The following MAP3K20 variants were observed in gnomAD, a reference collection of about 807,000 sequenced individuals.
MAP3K20 encodes HCCS-4.
A neutral mutation model predicts 85.7 loss-of-function variants in MAP3K20; 40 were observed. The ratio of observed to expected loss-of-function variants is 0.47; its 90% CI spans 0.36 to 0.61. The LOEUF (loss-of-function observed/expected upper bound fraction) is 0.61, where lower values mean the gene tolerates loss of function less well. Among genes scored for constraint, MAP3K20 ranks in the 20% least tolerant of loss-of-function variants. The pLI, the probability that MAP3K20 is intolerant of heterozygous loss-of-function variation, is 0.00. For synonymous variants in MAP3K20, 325 were observed against 327.7 expected, an observed-to-expected ratio of 0.99 and a Z score of 0.09; for missense variants, 817 against 961.7, an observed-to-expected ratio of 0.85 and a Z score of 1.99.
intron 16 of MAP3K20, among the ~76,000 whole-genome samples, chr2:173,240,309 C>T (rs573041010): frequency 1.3e-4 from 20 of 152,260 alleles, no homozygotes; most frequent in Admixed American, 1.2e-3. Context: ...AGCCAAGGGA[C>T]CTTATAAATA....
intron 3 of MAP3K20, among the ~76,000 whole-genome samples, chr2:173,177,886 G>A (rs548192554): frequency 6.6e-6 from 1 of 152,070 alleles, no homozygotes; most frequent in African/African-American, 2.4e-5. Flanking sequence ...AAGAAAATCT[G>A]AAGTGGATAA....
At chr2:173,149,152 G>A (rs1252661674) in intron 2 of MAP3K20, among the ~76,000 whole-genome samples, 1 of 152,230 alleles carries the variant, frequency 6.6e-6, no homozygotes, top group Non-Finnish European at 1.5e-5. Flanking sequence ...TTTTCCTGGT[G>A]CTTTACATGG....
At chr2:173,125,704 C>T (rs919088956) in intron 2 of MAP3K20, among the ~76,000 whole-genome samples, 1 of 151,990 alleles carries the variant, frequency 6.6e-6, no homozygotes, top group African/African-American at 2.4e-5. Context: ...GCTCTGTCGC[C>T]CAGGCTGGAG....
chr2:173,232,592 C>CT, intron 14 of MAP3K20, 133 bp downstream of exon 14: 1 of 1,343,650 alleles, frequency 7.4e-7, no homozygotes, highest in Non-Finnish European at 1.0e-6. Flanking sequence ...CACCCTCCGC[C>CT]TCCTGGGTTC....
At chr2:173,264,020 G>C (rs1389637965) in intron 19 of MAP3K20, 125 bp downstream of exon 19, 2 of 1,351,992 alleles carry the variant, frequency 1.5e-6, no homozygotes, top group Non-Finnish European at 2.0e-6. Context: ...TGAGCTTCGA[G>C]TAGCAGAAAA....
At chr2:173,122,727 G>C (rs1688330328) in intron 2 of MAP3K20, among the ~76,000 whole-genome samples, 1 of 152,082 alleles carries the variant, frequency 6.6e-6, no homozygotes, top group South Asian at 2.1e-4. Context: ...TTCATTCCTA[G>C]GGACTGCAGG....
At chr2:173,123,955 A>T (rs537556234) in intron 2 of MAP3K20, among the ~76,000 whole-genome samples, 8 of 152,192 alleles carry the variant, frequency 5.3e-5, no homozygotes, top group Non-Finnish European at 4.4e-5. Context: ...TGTACCCTAC[A>T]ATCTTTATAT....
chr2:173,246,225 G>T (rs1256295164), intron 16 of MAP3K20, among the ~76,000 whole-genome samples: 1 of 152,108 alleles, frequency 6.6e-6, no homozygotes, highest in Non-Finnish European at 1.5e-5. Context: ...TCAGTCTAAA[G>T]GTCTAACTAC....
At chr2:173,199,429 T>C (rs939203549) in intron 8 of MAP3K20, among the ~76,000 whole-genome samples, 29 of 152,352 alleles carry the variant, frequency 1.9e-4, no homozygotes, top group African/African-American at 7.0e-4. Flanking sequence ...TGATAGTAAT[T>C]CCTCATGTGC....
intron 3 of MAP3K20, among the ~76,000 whole-genome samples, chr2:173,171,708 T>A (rs560180642): frequency 6.6e-6 from 1 of 152,350 alleles, no homozygotes; most frequent in South Asian, 2.1e-4. Context: ...TACTCATACT[T>A]GCACCTACCC....
chr2:173,143,841 TTATTA>T (rs1269668463), intron 2 of MAP3K20, among the ~76,000 whole-genome samples: 4 of 152,182 alleles, frequency 2.6e-5, no homozygotes, highest in Non-Finnish European at 5.9e-5. Flanking sequence ...GGAAACAAGT[TTATTA>T]TATTTCTATA....
At chr2:173,163,089 A>G (rs768845553) in intron 2 of MAP3K20, among the ~76,000 whole-genome samples, 1 of 152,232 alleles carries the variant, frequency 6.6e-6, no homozygotes, top group Non-Finnish European at 1.5e-5. Flanking sequence ...ACAAATACAT[A>G]TAGAGTACAT....
chr2:173,142,705 TAAAAC>T (rs747655460), intron 2 of MAP3K20, among the ~76,000 whole-genome samples: 48 of 152,058 alleles, frequency 3.2e-4, no homozygotes, highest in Non-Finnish European at 4.4e-4. Context: ...AAAAAATTGT[TAAAAC>T]AAAGACAGGA....
intron 1 of MAP3K20, among the ~76,000 whole-genome samples, chr2:173,082,947 T>C (rs1206747789): frequency 6.6e-6 from 1 of 152,268 alleles, no homozygotes; most frequent in Admixed American, 6.5e-5. Flanking sequence ...CTGGTAACAA[T>C]ACTTTTGGTA....
At position 173,091,184 on chromosome 2, in the gene MAP3K20, G is replaced by C. The variant is rs1462711907; in HGVS notation, c.153G>C (p.Glu51Asp). The change falls in exon 2 of 20, where the codon GAG becomes GAC. Residue 51 changes from glutamate (E) to aspartate (D), a missense_variant. Physicochemically the swap from Glu to Asp is conservative, Grantham distance 45 (BLOSUM62 2). Coordinates refer to ENST00000375213, the MANE Select transcript of MAP3K20 (RefSeq NM_016653.3). ...CTGTAAAGAAGCTCCTCAAAATAGAGAAAGAGGTAAGGTCTTTTCCAGCTG... is the reference window on the plus strand; with the variant it reads ...CTGTAAAGAAGCTCCTCAAAATAGACAAAGAGGTAAGGTCTTTTCCAGCTG... ...EVAVKKLLKI[E>D]KEAEILSVLS... The C allele has an allele frequency of 6.2e-7, 1 of 1,611,638 alleles. No homozygotes were observed. The highest frequency in any genetic ancestry group is 8.5e-7 in the Non-Finnish European group (1 of 1,179,074).
chr2:173,089,589 C>CT lies in MAP3K20; in HGVS notation c.-34-1398dup, dbSNP rs1021963603. Among the ~76,000 whole-genome samples the CT allele has an allele frequency of 1.7e-3, 212 of 127,860 alleles. 4 individuals are homozygous for CT. Among genetic ancestry groups the CT allele is most frequent in the Middle Eastern group, 8.3e-3 (2 of 242 alleles). The allele number at this position is 127,860 out of a possible 152,430, so 83.9% of individuals were successfully genotyped here. A position where few individuals can be genotyped will look rare whatever the true frequency, so the allele number is the denominator to read the frequency against. ...AATTATATGTAGTCATCGTGTTTCC[C>CT]TTTTTTTTTTTGAGATGGAGTCTCG... On this transcript the variant is annotated intron_variant, in intron 1 of 19. Coordinates refer to ENST00000375213, the MANE Select transcript of MAP3K20 (RefSeq NM_016653.3).
chr2:173,247,485 A>G (rs1684943945), intron 16 of MAP3K20, among the ~76,000 whole-genome samples: 1 of 152,154 alleles, frequency 6.6e-6, no homozygotes, highest in Admixed American at 6.5e-5. Context: ...ACTTTGATGT[A>G]TCTTGCGTTT....
intron 2 of MAP3K20, among the ~76,000 whole-genome samples, chr2:173,125,885 A>G (rs1219551230): frequency 6.6e-6 from 1 of 152,172 alleles, no homozygotes; most frequent in Admixed American, 6.5e-5. Context: ...GATGGTCTCG[A>G]TCTCCTGACC....
intron 3 of MAP3K20, among the ~76,000 whole-genome samples, chr2:173,178,794 C>A (rs1299354930): frequency 6.6e-6 from 1 of 152,018 alleles, no homozygotes; most frequent in African/African-American, 2.4e-5. Flanking sequence ...TGCCAATATT[C>A]TATATGAACA....
Sources: gnomAD v4.1 joint callset for allele counts (sites outside exome capture counted in the v4.1 genomes callset) on GRCh38, gnomAD v4.1.1 for gene constraint, MANE v1.5 for transcripts, NCBI Gene and HGNC (gene_info 2026-07-23, HGNC 2026-07-21) for gene names.